The following SCLT1 variants were observed in gnomAD, a reference collection of about 807,000 sequenced individuals.
SCLT1 encodes the protein sodium channel-associated protein 1.
In SCLT1, 78 loss-of-function variants were observed where a neutral mutation model predicts 112.8. That is an observed-to-expected ratio of 0.69 (90% CI 0.58 to 0.83). The LOEUF (loss-of-function observed/expected upper bound fraction) is 0.83. Among genes scored for constraint, SCLT1 ranks in the 40% least tolerant of loss-of-function variants. The pLI is 0.00. For missense variants in SCLT1, 747 were observed against 770.4 expected (o/e 0.97, Z 0.36); for synonymous variants, 257 against 254.7 (o/e 1.01, Z -0.09).
intron 16 of SCLT1, chr4:128,944,497 G>A (rs1737976073): frequency 6.6e-6 from 1 of 152,094 alleles, no homozygotes. Context: ...GCATGTAGTG[G>A]AGGAAACTCT....
chr4:128,879,602 C>G (rs1732596354), downstream of SCLT1, among the ~76,000 whole-genome samples: 1 of 152,132 alleles, frequency 6.6e-6, no homozygotes, highest in South Asian at 2.1e-4. Context: ...GAAATAACAC[C>G]TACCTAGAAG....
intron 5 of SCLT1, among the ~76,000 whole-genome samples, chr4:129,028,433 T>C (rs1459570810): frequency 6.6e-6 from 1 of 152,124 alleles, no homozygotes; most frequent in African/African-American, 2.4e-5. Flanking sequence ...GGGAAAGGAT[T>C]CCCTATTTAA....
intron 5 of SCLT1, among the ~76,000 whole-genome samples, chr4:129,022,284 A>G (rs1745557185): frequency 6.6e-6 from 1 of 152,200 alleles, no homozygotes; most frequent in East Asian, 1.9e-4. Flanking sequence ...AAAACTGGAC[A>G]AAGAATGAGG....
intron 2 of SCLT1, among the ~76,000 whole-genome samples, chr4:129,051,729 C>T (rs559906952): frequency 1.3e-5 from 2 of 152,276 alleles, no homozygotes; most frequent in East Asian, 1.9e-4. Flanking sequence ...CTTTCTCTTG[C>T]CTGATTGCCC....
intron 18 of SCLT1, among the ~76,000 whole-genome samples, chr4:128,894,065 G>A (rs1733539325): frequency 6.6e-6 from 1 of 152,024 alleles, no homozygotes; most frequent in African/African-American, 2.4e-5. Flanking sequence ...TCAGCCTCCT[G>A]AGTAGCTGAG....
intron 2 of SCLT1, among the ~76,000 whole-genome samples, chr4:129,076,305 T>C (rs1751459133): frequency 6.6e-6 from 1 of 152,156 alleles, no homozygotes; most frequent in South Asian, 2.1e-4. Flanking sequence ...TGAATATATT[T>C]AGACTATGAT....
At position 129,040,004 on chromosome 4, in the gene SCLT1, A is replaced by C. The variant is rs960539444; in HGVS notation, c.235-908T>G. On this transcript the variant is annotated intron_variant, in intron 4 of 20. Transcript: ENST00000281142. ...GGTAACTAATTCATGATTGTGTATT[A>C]GTCTTGATTGTGCTTCCTAAGCTAA... The C allele has an allele frequency of 1.2e-5, 7 of 571,408 alleles. No homozygotes were observed. In the African/African-American group the frequency reaches 1.3e-4, roughly 11 times the overall value. 35.4% of individuals were successfully genotyped at this position (571,408 alleles called of 1,614,324 possible).
rs1732735646 is a variant in SCLT1 at position 128,884,384 on chromosome 4, A to G, written c.*93T>C. ...CTTACGCGAAATAACACAAGCCTTA[A>G]CTATTATACTTTGCAGGCTTTACCA... On this transcript the variant is annotated 3_prime_UTR_variant, in exon 21 of 21. Coordinates refer to ENST00000281142, the MANE Select transcript of SCLT1 (RefSeq NM_144643.4). 28 of 741,576 alleles carry G rather than the reference A, an allele frequency of 3.8e-5. No individual in the cohort carries two copies. In the East Asian group the frequency reaches 6.9e-4, roughly 18 times the overall value. The allele number at this position is 741,576 out of a possible 1,614,324, so 45.9% of individuals were successfully genotyped here.
chr4:129,029,342 C>G (rs1001226834), intron 5 of SCLT1, among the ~76,000 whole-genome samples: 1 of 152,020 alleles, frequency 6.6e-6, no homozygotes, highest in East Asian at 1.9e-4. Context: ...GAATACTATG[C>G]AGCCATAAAA....
chr4:129,009,247 G>A (rs1744302482), intron 5 of SCLT1, among the ~76,000 whole-genome samples: 1 of 152,128 alleles, frequency 6.6e-6, no homozygotes, highest in Non-Finnish European at 1.5e-5. Context: ...CGGGCGCGGT[G>A]GCTCACGCCT....
chr4:129,018,810 A>G (rs1745208920), intron 5 of SCLT1, among the ~76,000 whole-genome samples: 2 of 152,184 alleles, frequency 1.3e-5, no homozygotes, highest in Admixed American at 6.5e-5. Context: ...CCAACTACTA[A>G]GTTAGAAGGT....
chr4:129,062,348 C>A (rs1040324976), intron 2 of SCLT1, among the ~76,000 whole-genome samples: 1 of 152,042 alleles, frequency 6.6e-6, no homozygotes, highest in Non-Finnish European at 1.5e-5. Context: ...GTGAGGGGAA[C>A]AATTGCTAGA....
At chr4:129,042,510 G>A (rs553259279) in intron 4 of SCLT1, among the ~76,000 whole-genome samples, 6 of 152,186 alleles carry the variant, frequency 3.9e-5, no homozygotes, top group East Asian at 1.9e-4. Flanking sequence ...GAAAGGATGC[G>A]AGACAGTTTT....
At chr4:128,998,684 C>G (rs1293827248) in intron 7 of SCLT1, among the ~76,000 whole-genome samples, 1 of 151,276 alleles carries the variant, frequency 6.6e-6, no homozygotes, top group Admixed American at 6.6e-5. Context: ...GTTTTTAAAT[C>G]TCAGAGGTAA....
intron 5 of SCLT1, among the ~76,000 whole-genome samples, chr4:129,026,885 C>T (rs1278199159): frequency 6.6e-6 from 1 of 152,166 alleles, no homozygotes; most frequent in Non-Finnish European, 1.5e-5. Context: ...ACTGATCTCA[C>T]AGAAATACAA....
intron 5 of SCLT1, chr4:128,873,273 G>GAAA (rs1553953485): frequency 3.8e-5 from 3 of 78,658 alleles, no homozygotes; most frequent in Non-Finnish European, 8.0e-5. Flanking sequence ...AAAAAAAAAA[G>GAAA]AAAAAAAGAA....
chr4:128,964,745 T>A (rs1376642117), intron 11 of SCLT1, among the ~76,000 whole-genome samples: 1 of 152,182 alleles, frequency 6.6e-6, no homozygotes, highest in Non-Finnish European at 1.5e-5. Context: ...AAATTTCCTC[T>A]TAACTATGAT....
At chr4:129,050,463 G>A (rs187902733) in intron 2 of SCLT1, among the ~76,000 whole-genome samples, 151 of 152,264 alleles carry the variant, frequency 9.9e-4, no homozygotes, top group African/African-American at 3.5e-3. Flanking sequence ...ATTTGGTTCT[G>A]ATTTGCATTT....
intron 19 of SCLT1, among the ~76,000 whole-genome samples, 199 bp from the exon 20 acceptor site, chr4:128,888,973 T>C (rs944201847): frequency 2.6e-5 from 4 of 152,216 alleles, no homozygotes; most frequent in Non-Finnish European, 5.9e-5. Context: ...GTTTTCTTTC[T>C]CCCACATGCC....
Sources: allele counts gnomAD v4.1 joint callset (sites outside exome capture counted in the v4.1 genomes callset), GRCh38; gene constraint gnomAD v4.1.1; transcripts MANE v1.5; gene names NCBI Gene and HGNC (gene_info 2026-07-23, HGNC 2026-07-21).